FAR2: variants seen among roughly 807,000 people sequenced by gnomAD.
FAR2 encodes fatty acyl-CoA reductase 2, also known as epididymis secretory protein Li 81.
A neutral mutation model predicts 56.0 loss-of-function variants in FAR2; 19 were observed. The ratio of observed to expected loss-of-function variants is 0.34; its 90% CI spans 0.24 to 0.50. The LOEUF is 0.50. Ranked by LOEUF, FAR2 falls within the 20% of genes least tolerant of loss-of-function variation. The pLI is 0.98. For synonymous variants in FAR2, 219 were observed against 218.8 expected (o/e 1.00, Z -0.01); for missense variants, 508 against 642.2 (o/e 0.79, Z 2.26).
chr12:29,191,070 G>T (rs573751163), intron 1 of FAR2, among the ~76,000 whole-genome samples: 1 of 152,328 alleles, frequency 6.6e-6, no homozygotes, highest in Admixed American at 6.5e-5. Context: ...ACAGAGAGAA[G>T]TGAGCTAGCT....
rs540805395 is a variant in FAR2, at chr12:29,180,452, G to A, written c.-39+31045G>A. Among the ~76,000 whole-genome samples the A allele has an allele frequency of 8.2e-4, 125 of 152,146 alleles. 1 individual carries two copies. The highest frequency in any genetic ancestry group is 2.8e-3 in the African/African-American group (118 of 41,502). ...GGGTCCCAAACTGCCCTCTCCCAAT[G>A]AAACCCTCCATCCACATCCTTCATG... On this transcript the variant is annotated intron_variant, in intron 1 of 11. Coordinates refer to ENST00000536681, the MANE Select transcript of FAR2 (RefSeq NM_001271783.2).
chr12:29,324,064 G>A (rs1949601394), intron 10 of FAR2, among the ~76,000 whole-genome samples: 2 of 152,212 alleles, frequency 1.3e-5, no homozygotes, highest in African/African-American at 4.8e-5. Context: ...GGAGCTGATG[G>A]AGCTGAAAGC....
chr12:29,295,441 T>G (rs1170591528), intron 3 of FAR2, among the ~76,000 whole-genome samples: 1 of 152,194 alleles, frequency 6.6e-6, no homozygotes, highest in Non-Finnish European at 1.5e-5. Context: ...AAATTTAAGA[T>G]AATTTTGCCA....
At chr12:29,202,135 T>C (rs10771496) in intron 1 of FAR2, among the ~76,000 whole-genome samples, 1 of 81,396 alleles carries the variant, frequency 1.2e-5, no homozygotes, top group African/African-American at 3.4e-5. Context: ...GCTAATTTAT[T>C]ATTATTATTA....
At chr12:29,215,116 G>C (rs1224973415) in intron 1 of FAR2, among the ~76,000 whole-genome samples, 1 of 152,170 alleles carries the variant, frequency 6.6e-6, no homozygotes, top group Non-Finnish European at 1.5e-5. Context: ...AGGACCTACA[G>C]TGTAGTCATG....
chr12:29,279,805 C>T (rs1310197871), intron 2 of FAR2, among the ~76,000 whole-genome samples: 1 of 152,058 alleles, frequency 6.6e-6, no homozygotes, highest in Non-Finnish European at 1.5e-5. Context: ...AGTTACCTAA[C>T]CCATATGAGT....
At chr12:29,164,487 G>A (rs755787731) in intron 1 of FAR2, among the ~76,000 whole-genome samples, 60 of 152,124 alleles carry the variant, frequency 3.9e-4, no homozygotes, top group Admixed American at 1.4e-3. Context: ...GTACCAGCAG[G>A]CCTAGTTTCC....
intron 1 of FAR2, among the ~76,000 whole-genome samples, chr12:29,189,043 GTTACTAT>G (rs879484681): frequency 6.6e-6 from 1 of 151,932 alleles, no homozygotes; most frequent in African/African-American, 2.4e-5. Flanking sequence ...CCCCTATAAA[GTTACTAT>G]TTTTCCTTCT....
chr12:29,174,725 T>C (rs890837173), intron 1 of FAR2, among the ~76,000 whole-genome samples: 1 of 151,876 alleles, frequency 6.6e-6, no homozygotes, highest in African/African-American at 2.4e-5. Flanking sequence ...CGGCCAGGAG[T>C]GGCTTTTAGA....
intron 2 of FAR2, among the ~76,000 whole-genome samples, chr12:29,277,231 C>T (rs1241380808): frequency 6.6e-6 from 1 of 152,216 alleles, no homozygotes; most frequent in Non-Finnish European, 1.5e-5. Flanking sequence ...CCACCTCAGC[C>T]TCCCAAAGTG....
intron 2 of FAR2, among the ~76,000 whole-genome samples, chr12:29,274,791 C>CTCTGCCCG (rs1948680159): frequency 6.6e-6 from 1 of 150,504 alleles, no homozygotes; most frequent in South Asian, 2.1e-4. Flanking sequence ...AGAGAACAAT[C>CTCTGCCCG]CCCCTTTTTC....
intron 3 of FAR2, among the ~76,000 whole-genome samples, chr12:29,293,961 G>C (rs1442073026): frequency 6.6e-6 from 1 of 151,998 alleles, no homozygotes; most frequent in Non-Finnish European, 1.5e-5. Context: ...TGCTCTTCTT[G>C]AGATAAATTC....
At chr12:29,237,722 C>T (rs1040208589) in intron 1 of FAR2, among the ~76,000 whole-genome samples, 5 of 152,018 alleles carry the variant, frequency 3.3e-5, no homozygotes, top group Non-Finnish European at 7.4e-5. Flanking sequence ...ATAAAGTATG[C>T]GAACCTGTCA....
intron 8 of FAR2, among the ~76,000 whole-genome samples, chr12:29,316,034 A>G (rs1045008424): frequency 6.6e-6 from 1 of 152,178 alleles, no homozygotes; most frequent in Non-Finnish European, 1.5e-5. Context: ...TCTTCTTTGT[A>G]TAGGATTTAT....
intron 1 of FAR2, among the ~76,000 whole-genome samples, chr12:29,261,989 T>G (rs138667841): frequency 6.5e-4 from 99 of 152,322 alleles, no homozygotes; most frequent in Middle Eastern, 3.4e-3. Flanking sequence ...TACTGAAAGC[T>G]CACTGGTAAT....
intron 4 of FAR2, among the ~76,000 whole-genome samples, chr12:29,306,545 T>C (rs1429681988): frequency 1.3e-5 from 2 of 152,226 alleles, no homozygotes; most frequent in Non-Finnish European, 2.9e-5. Context: ...GAAATAAATA[T>C]ACCACATTGA....
chr12:29,253,424 T>C (rs1384670112), intron 1 of FAR2, among the ~76,000 whole-genome samples: 3 of 151,090 alleles, frequency 2.0e-5, no homozygotes, highest in Non-Finnish European at 4.4e-5. Flanking sequence ...GATAGATAGA[T>C]AGATATGTAT....
chr12:29,325,366 C>G (rs917215251), intron 10 of FAR2, among the ~76,000 whole-genome samples: 1 of 152,088 alleles, frequency 6.6e-6, no homozygotes, highest in Middle Eastern at 3.2e-3. Context: ...ACAAGGATAT[C>G]CAGGAATTGA....
intron 4 of FAR2, among the ~76,000 whole-genome samples, chr12:29,300,356 C>A (rs895071354): frequency 6.6e-6 from 1 of 152,160 alleles, no homozygotes; most frequent in Non-Finnish European, 1.5e-5. Flanking sequence ...ACCAACTATA[C>A]CATGATCTAC....
Sources: allele counts gnomAD v4.1 joint callset (sites outside exome capture counted in the v4.1 genomes callset), GRCh38; gene constraint gnomAD v4.1.1; transcripts MANE v1.5; gene names NCBI Gene and HGNC (gene_info 2026-07-23, HGNC 2026-07-21).